PLA2G4D: variants seen among roughly 807,000 people sequenced by gnomAD.
PLA2G4D encodes the protein phospholipase A2 group IVD.
In PLA2G4D, 80 loss-of-function variants were observed where a neutral mutation model predicts 94.4. The ratio of observed to expected loss-of-function variants is 0.85; its 90% CI spans 0.71 to 1.02. The LOEUF (loss-of-function observed/expected upper bound fraction) is 1.02, where lower values mean the gene tolerates loss of function less well. Ranked by LOEUF, PLA2G4D falls within the 50% of genes least tolerant of loss-of-function variation. The pLI, the probability that PLA2G4D is intolerant of heterozygous loss-of-function variation, is 0.00. For missense variants in PLA2G4D, 1,050 were observed against 1,034.7 expected (o/e 1.01, Z -0.20); for synonymous variants, 438 against 440.9 (o/e 0.99, Z 0.08).
At chr15:42,083,963 A>G in intron 6 of PLA2G4D, 184 bp from the exon 7 acceptor site, 1 of 600,602 alleles carries the variant, frequency 1.7e-6, no homozygotes, top group Non-Finnish European at 3.0e-6. Context: ...GCTGAACCTG[A>G]TATTCCGCAG....
At chr15:42,081,964 TC>T in intron 9 of PLA2G4D, 130 bp from the exon 10 acceptor site, 1 of 1,136,816 alleles carries the variant, frequency 8.8e-7, no homozygotes, top group Non-Finnish European at 1.2e-6. Context: ...AGAGTTTCAC[TC>T]TTGTTGCTCA....
intron 18 of PLA2G4D, chr15:42,070,335 CA>C: frequency 7.6e-6 from 4 of 525,848 alleles, no homozygotes; most frequent in South Asian, 2.9e-5. Flanking sequence ...CCCAGCCCCC[CA>C]AAACCCCAAT....
chr15:42,092,894 GAAGA>G (rs926523151), intron 1 of PLA2G4D, among the ~76,000 whole-genome samples: 59 of 152,360 alleles, frequency 3.9e-4, no homozygotes, highest in African/African-American at 1.3e-3. Context: ...TGTTCGGCAG[GAAGA>G]GAGAAATGAG....
At position 42,068,273 on chromosome 15, in the gene PLA2G4D, G is replaced by C. The variant is rs1189088912; in HGVS notation, c.*442C>G. On this transcript the variant is annotated 3_prime_UTR_variant, in exon 20 of 20. Coordinates refer to ENST00000290472, the MANE Select transcript of PLA2G4D (RefSeq NM_178034.4). ...GGAGGACAAAGAGGAGAAGGACAAG[G>C]AGAGGAGGAGGTGGAGGAGCAGGAA... is the stretch of plus-strand genomic sequence containing the variant. The C allele has an allele frequency of 6.2e-6, 1 of 160,300 alleles. No homozygotes were observed. The highest frequency in any genetic ancestry group is 2.4e-5 in the African/African-American group (1 of 41,598). The allele number at this position is 160,300 out of a possible 1,614,324, so 9.9% of individuals were successfully genotyped here.
chr15:42,079,494 G>A (rs1459629690), intron 13 of PLA2G4D, 43 bp downstream of exon 13: 2 of 1,537,792 alleles, frequency 1.3e-6, no homozygotes, highest in Non-Finnish European at 8.7e-7. Context: ...CTTCGCCCCC[G>A]CGGTGCACAC....
intron 18 of PLA2G4D, 196 bp from the exon 19 acceptor site, chr15:42,070,291 T>A: frequency 1.8e-6 from 1 of 569,994 alleles, no homozygotes; most frequent in South Asian, 2.7e-5. Flanking sequence ...CAATGTTGTT[T>A]GGTTAAAAGC....
Position 42,071,201 on chromosome 15 carries a change from G to C in PLA2G4D, c.1798C>G (p.Gln600Glu). ...CCCTGGAGGAAGTTGGGGCTGCGCT[G>C]GTGGAGGGGCCTGCCTGTCAGGAAG... ...KGFLTGRPLH[Q>E]RSPNFLQGLQ... The change falls in exon 17 of 20, where the codon CAG becomes GAG. Residue 600 changes from glutamine to glutamate, a missense_variant. Coordinates refer to ENST00000290472, the MANE Select transcript of PLA2G4D (RefSeq NM_178034.4). 2.5e-6 allele frequency: 4 copies of C among 1,613,442 alleles called. No homozygotes were observed. The highest frequency in any genetic ancestry group is 3.4e-6 in the Non-Finnish European group (4 of 1,179,790).
At chr15:42,069,006 C>T in intron 19 of PLA2G4D, 65 bp from the exon 20 acceptor site, 1 of 1,452,420 alleles carries the variant, frequency 6.9e-7, no homozygotes, top group Non-Finnish European at 9.4e-7. Context: ...GGCAGCGGCG[C>T]ACAGGGAGGG....
chr15:42,079,166 G>A (rs1217335954), intron 13 of PLA2G4D, among the ~76,000 whole-genome samples: 1 of 152,194 alleles, frequency 6.6e-6, no homozygotes, highest in African/African-American at 2.4e-5. Flanking sequence ...TAGAACCCAG[G>A]CAATCTGGTT....
At chr15:42,085,908 G>A (rs528576544) in intron 4 of PLA2G4D, among the ~76,000 whole-genome samples, 31 of 152,350 alleles carry the variant, frequency 2.0e-4, no homozygotes, top group South Asian at 2.1e-4. Flanking sequence ...AGCAGGAAGG[G>A]ACGTGAGGCC....
chr15:42,068,945 C>T lies in PLA2G4D; in HGVS notation c.2231-4G>A, dbSNP rs776524114. ...TCTGCGGGGCTGCGCTGGACACCTG[C>T]CCAGGGGTAGGAGGGGTGTCAGGAG... On this transcript the variant is annotated splice_region_variant and splice_polypyrimidine_tract_variant and intron_variant, in intron 19 of 19. Coordinates refer to ENST00000290472, the MANE Select transcript of PLA2G4D (RefSeq NM_178034.4). 3 of 1,606,274 alleles carry T rather than the reference C, an allele frequency of 1.9e-6. No individual in the cohort carries two copies. The highest frequency in any genetic ancestry group is 2.2e-5 in the East Asian group (1 of 44,726).
At chr15:42,091,944 T>G (rs1823551) in intron 1 of PLA2G4D, among the ~76,000 whole-genome samples, 76,087 of 152,012 alleles carry the variant, frequency 0.5, 20,870 homozygotes, top group Admixed American at 0.63. Flanking sequence ...TGACTCACAC[T>G]CTCTACCCTG....
intron 11 of PLA2G4D, 99 bp downstream of exon 11, chr15:42,081,380 C>G: frequency 3.3e-6 from 5 of 1,530,498 alleles, no homozygotes; most frequent in Non-Finnish European, 4.4e-6. Context: ...CACATGCCCA[C>G]TCTCCACTGA....
intron 1 of PLA2G4D, among the ~76,000 whole-genome samples, chr15:42,094,074 C>A (rs1264978024): frequency 1.3e-5 from 2 of 152,114 alleles, no homozygotes; most frequent in Non-Finnish European, 2.9e-5. Context: ...GGGAAGTCTG[C>A]CGGCCTGTGG....
At chr15:42,082,561 C>T (rs1452239528) in intron 8 of PLA2G4D, among the ~76,000 whole-genome samples, 172 bp from the exon 9 acceptor site, 7 of 152,044 alleles carry the variant, frequency 4.6e-5, no homozygotes, top group Non-Finnish European at 5.9e-5. Flanking sequence ...TTATGTAGTA[C>T]GAAGGCATTG....
intron 14 of PLA2G4D, 105 bp from the exon 15 acceptor site, chr15:42,072,016 G>A: frequency 1.4e-6 from 2 of 1,406,010 alleles, no homozygotes; most frequent in Non-Finnish European, 1.9e-6. Flanking sequence ...CCTGAGCCCT[G>A]CTGTGCCTGG....
chr15:42,089,767 C>T (rs78594013), intron 1 of PLA2G4D, among the ~76,000 whole-genome samples: 2 of 152,068 alleles, frequency 1.3e-5, no homozygotes, highest in Non-Finnish European at 2.9e-5. Context: ...CCTGCTCCCC[C>T]GGCCAGGCTG....
At chr15:42,094,367 T>A (rs1890299768) in intron 1 of PLA2G4D, 48 bp downstream of exon 1, 1 of 1,607,822 alleles carries the variant, frequency 6.2e-7, no homozygotes, top group African/African-American at 1.3e-5. Context: ...GCACCCTGGC[T>A]CCAGGCCTGC....
At chr15:42,083,412 A>T in intron 7 of PLA2G4D, 78 bp from the exon 8 acceptor site, 1 of 1,530,566 alleles carries the variant, frequency 6.5e-7, no homozygotes, top group Non-Finnish European at 8.8e-7. Context: ...CAGCACCACC[A>T]CCTGGATTCA....
Sources: allele counts gnomAD v4.1 joint callset (sites outside exome capture counted in the v4.1 genomes callset), GRCh38; gene constraint gnomAD v4.1.1; transcripts MANE v1.5; gene names NCBI Gene and HGNC (gene_info 2026-07-23, HGNC 2026-07-21).